Variants in DLEU7 observed in about 807,000 individuals in gnomAD.
DLEU7 encodes the protein leukemia-associated protein 7.
DLEU7 carries 17 observed loss-of-function variants against 16.0 expected under a neutral mutation model. That is an observed-to-expected ratio of 1.06 (90% CI 0.73 to 1.59). The LOEUF (loss-of-function observed/expected upper bound fraction) is 1.59. Among genes scored for constraint, DLEU7 ranks in the 40% most tolerant of loss-of-function variants. The pLI is 0.00. For missense variants in DLEU7, 308 were observed against 314.9 expected (o/e 0.98, Z 0.17); for synonymous variants, 113 against 139.8 (o/e 0.81, Z 1.35).
chr13:50,839,105 A>G (rs985558729), intron 1 of DLEU7, among the ~76,000 whole-genome samples: 1 of 152,254 alleles, frequency 6.6e-6, no homozygotes, highest in Non-Finnish European at 1.5e-5. Flanking sequence ...AGTGCACAGC[A>G]TGTACAACTA....
intron 1 of DLEU7, among the ~76,000 whole-genome samples, chr13:50,809,428 C>T (rs1876495936): frequency 6.6e-6 from 1 of 152,164 alleles, no homozygotes; most frequent in Non-Finnish European, 1.5e-5. Flanking sequence ...AATTACTTGA[C>T]GCCGGACATA....
chr13:50,714,264 G>A (rs983154508), intron 1 of DLEU7, among the ~76,000 whole-genome samples: 1 of 152,106 alleles, frequency 6.6e-6, no homozygotes, highest in Non-Finnish European at 1.5e-5. Flanking sequence ...CATTAATTCC[G>A]GTCTTGGGCA....
chr13:50,803,986 G>A lies in DLEU7; in HGVS notation c.459+39202C>T, dbSNP rs192668177. Among the ~76,000 whole-genome samples, 399 of 152,112 alleles carry A rather than the reference G, an allele frequency of 2.6e-3. 3 individuals carry two copies. Among genetic ancestry groups the A allele is most frequent in the African/African-American group, 9.1e-3 (376 of 41,502 alleles). On this transcript the variant is annotated intron_variant, in intron 1 of 1. Coordinates refer to the DLEU7 transcript ENST00000400393. ...GTATTTTTATATTTTTATTAACGTG[G>A]AAATCTTTGATTCATCAGGAAATCA... is the stretch of plus-strand genomic sequence containing the variant.
chr13:50,825,057 A>T (rs1174436383), intron 1 of DLEU7, among the ~76,000 whole-genome samples: 1 of 152,202 alleles, frequency 6.6e-6, no homozygotes, highest in African/African-American at 2.4e-5. Context: ...TGAAACTGTG[A>T]AACTGTTCAC....
intron 1 of DLEU7, among the ~76,000 whole-genome samples, chr13:50,752,259 G>A (rs541146805): frequency 2.3e-4 from 35 of 151,992 alleles, no homozygotes; most frequent in Admixed American, 4.6e-4. Flanking sequence ...CACCATGTTA[G>A]CCAGGATGGT....
chr13:50,727,254 T>C (rs1337371518), intron 1 of DLEU7, among the ~76,000 whole-genome samples: 1 of 151,734 alleles, frequency 6.6e-6, no homozygotes, highest in African/African-American at 2.4e-5. Context: ...AGCAAGGAGG[T>C]TTCCGAATGT....
At chr13:50,832,610 G>T (rs1877315527) in intron 1 of DLEU7, among the ~76,000 whole-genome samples, 1 of 152,138 alleles carries the variant, frequency 6.6e-6, no homozygotes, top group Non-Finnish European at 1.5e-5. Context: ...CTTCTCCTAT[G>T]GGCATTTAGT....
rs184202619 is a variant in DLEU7 at position 50,810,266 on chromosome 13, T to C, written c.459+32922A>G. Among the ~76,000 whole-genome samples the C allele has an allele frequency of 2.6e-5, 4 of 152,234 alleles. No individual in the cohort carries two copies. In the East Asian group the frequency reaches 7.7e-4, roughly 29 times the overall value. On this transcript the variant is annotated intron_variant, in intron 1 of 1. Coordinates refer to the DLEU7 transcript ENST00000400393. Reference sequence around the variant, plus strand: ...TAGGCATTCACTCCTGAAGCTATTTTTCCCCCAGGTTTGGGATTTGGCCCA... The same window carrying C: ...TAGGCATTCACTCCTGAAGCTATTTCTCCCCCAGGTTTGGGATTTGGCCCA...
At chr13:50,774,563 A>G (rs776693766) in intron 1 of DLEU7, among the ~76,000 whole-genome samples, 21 of 152,154 alleles carry the variant, frequency 1.4e-4, no homozygotes, top group Non-Finnish European at 2.9e-4. Context: ...ACCATGATAC[A>G]GTTAGTTATA....
chr13:50,714,164 T>C (rs1340587377), intron 1 of DLEU7, among the ~76,000 whole-genome samples: 1 of 152,248 alleles, frequency 6.6e-6, no homozygotes, highest in Non-Finnish European at 1.5e-5. Context: ...TCCTGCTTAC[T>C]GGTGAGCCAC....
chr13:50,831,763 A>G (rs1877273765), intron 1 of DLEU7, among the ~76,000 whole-genome samples: 1 of 152,168 alleles, frequency 6.6e-6, no homozygotes, highest in Non-Finnish European at 1.5e-5. Context: ...GCTTGGGGAG[A>G]GTACGTGATG....
At chr13:50,826,135 A>G (rs1390379247) in intron 1 of DLEU7, among the ~76,000 whole-genome samples, 4 of 151,240 alleles carry the variant, frequency 2.6e-5, no homozygotes, top group African/African-American at 9.7e-5. Flanking sequence ...CTCAATTCAC[A>G]ATAGGGTTTG....
At chr13:50,796,649 A>C (rs1246094070) in intron 1 of DLEU7, among the ~76,000 whole-genome samples, 1 of 151,940 alleles carries the variant, frequency 6.6e-6, no homozygotes, top group Non-Finnish European at 1.5e-5. Context: ...ATGTGACTCC[A>C]CTCCCACTCA....
At chr13:50,752,154 C>T (rs1274308284) in intron 1 of DLEU7, among the ~76,000 whole-genome samples, 1 of 151,028 alleles carries the variant, frequency 6.6e-6, no homozygotes, top group Admixed American at 6.7e-5. Flanking sequence ...CAGGTTCAGG[C>T]CATTCTCCTG....
intron 1 of DLEU7, among the ~76,000 whole-genome samples, chr13:50,764,608 GT>G (rs2137748906): frequency 1.3e-5 from 2 of 152,330 alleles, no homozygotes; most frequent in South Asian, 4.1e-4. Flanking sequence ...TTCTGGCACA[GT>G]TGTTATTCAT....
At chr13:50,780,334 C>A (rs1419043005) in intron 1 of DLEU7, among the ~76,000 whole-genome samples, 3 of 152,204 alleles carry the variant, frequency 2.0e-5, no homozygotes. Context: ...AAATGTATTT[C>A]ACCAAGGACT....
chr13:50,779,026 G>A (rs764967345), intron 1 of DLEU7, among the ~76,000 whole-genome samples: 13 of 152,146 alleles, frequency 8.5e-5, no homozygotes, highest in Non-Finnish European at 1.2e-4. Flanking sequence ...GCCTACTAGG[G>A]TGTGAGATAA....
intron 1 of DLEU7, among the ~76,000 whole-genome samples, chr13:50,804,035 G>A (rs1447393378): frequency 2.0e-5 from 3 of 152,084 alleles, no homozygotes; most frequent in Non-Finnish European, 2.9e-5. Flanking sequence ...TCTGAGGTTA[G>A]AATCCAATAT....
chr13:50,762,292 C>G (rs1047043132), intron 1 of DLEU7, among the ~76,000 whole-genome samples: 1 of 151,638 alleles, frequency 6.6e-6, no homozygotes, highest in African/African-American at 2.4e-5. Context: ...GGGTTTCTGA[C>G]TATGCAATGT....
Sources: gnomAD v4.1 joint callset for allele counts (sites outside exome capture counted in the v4.1 genomes callset) on GRCh38, gnomAD v4.1.1 for gene constraint, MANE v1.5 for transcripts, NCBI Gene and HGNC (gene_info 2026-07-23, HGNC 2026-07-21) for gene names.